The following ASAP1 variants were observed in gnomAD, a reference collection of about 807,000 sequenced individuals.
The protein encoded by ASAP1 is arf-GAP with SH3 domain, ANK repeat and PH domain-containing protein 1.
A neutral mutation model predicts 145.2 loss-of-function variants in ASAP1; 43 were observed. The ratio of observed to expected loss-of-function variants is 0.30; its 90% CI spans 0.23 to 0.38. ASAP1 has a LOEUF of 0.38. Among genes scored for constraint, ASAP1 ranks in the 10% least tolerant of loss-of-function variants. ASAP1 has a pLI of 1.00. For synonymous variants in ASAP1, 546 were observed against 515.5 expected, an observed-to-expected ratio of 1.06 and a Z score of -0.80; for missense variants, 1,018 against 1,355.3, an observed-to-expected ratio of 0.75 and a Z score of 3.91.
chr8:130,074,481 A>ACT, intron 27 of ASAP1, among the ~76,000 whole-genome samples: 1 of 150,130 alleles, frequency 6.7e-6, no homozygotes, highest in Admixed American at 6.8e-5. Context: ...ACACACACAC[A>ACT]CACACAGAGA....
intron 3 of ASAP1, among the ~76,000 whole-genome samples, chr8:130,315,991 C>T (rs768246489): frequency 1.2e-4 from 18 of 152,280 alleles, no homozygotes; most frequent in Admixed American, 4.6e-4. Flanking sequence ...CTGTGCCCTT[C>T]GGGTCCCTTC....
chr8:130,125,862 G>GTACTCAGCAGACATA, intron 17 of ASAP1, 94 bp downstream of exon 17: 1 of 1,261,592 alleles, frequency 7.9e-7, no homozygotes, highest in Non-Finnish European at 1.1e-6. Flanking sequence ...ATAATTCTTT[G>GTACTCAGCAGACATA]TACTCAGCAG....
rs1480974575 is a variant in ASAP1, at chr8:130,286,728, T to C, written c.187-49734A>G. ...CCAGGACTGGGGAAAATGATCAAGA[T>C]TCACAGCATCCGACATGTTTACTGA... On this transcript the variant is annotated intron_variant, in intron 3 of 29. Transcript: ENST00000518721. 2.0e-5 allele frequency among the ~76,000 whole-genome samples: 3 copies of C among 152,150 alleles called. No individual in the cohort carries two copies. In the East Asian group the frequency reaches 5.8e-4, roughly 29 times the overall value.
intron 2 of ASAP1, among the ~76,000 whole-genome samples, chr8:130,364,355 G>A (rs1586914471): frequency 6.6e-6 from 1 of 152,232 alleles, no homozygotes; most frequent in Non-Finnish European, 1.5e-5. Flanking sequence ...GTATTATCCT[G>A]AGTCATTGCA....
Position 130,171,526 on chromosome 8 carries a change from G to T in ASAP1, c.747-2459C>A, listed in dbSNP as rs148831024. 2.0e-5 allele frequency among the ~76,000 whole-genome samples: 3 copies of T among 152,250 alleles called. No homozygotes were observed. The East Asian group carries it at 5.8e-4, about 29-fold the overall frequency. ...TCATTATCAAGAGAACAGCATGGGG[G>T]AAACTGCCCCCATGACTCAATTAAC... On this transcript the variant is annotated intron_variant, in intron 9 of 29. Transcript: ENST00000518721.
intron 1 of ASAP1, among the ~76,000 whole-genome samples, chr8:130,411,716 G>C (rs543965933): frequency 3.3e-5 from 5 of 152,342 alleles, no homozygotes; most frequent in African/African-American, 9.6e-5. Context: ...ACAACTGCCA[G>C]TATTATGACA....
chr8:130,371,313 GTCTA>G (rs1199153055), intron 2 of ASAP1, among the ~76,000 whole-genome samples: 1 of 152,182 alleles, frequency 6.6e-6, no homozygotes, highest in Non-Finnish European at 1.5e-5. Context: ...TCAAACAGAA[GTCTA>G]TCTAATTTCA....
intron 2 of ASAP1, among the ~76,000 whole-genome samples, chr8:130,384,771 T>A (rs143152713): frequency 5.9e-4 from 90 of 152,334 alleles, no homozygotes; most frequent in African/African-American, 2.1e-3. Context: ...CAAGTTACCC[T>A]GTCACACTTC....
At chr8:130,281,536 G>C (rs1821245441) in intron 3 of ASAP1, among the ~76,000 whole-genome samples, 1 of 152,056 alleles carries the variant, frequency 6.6e-6, no homozygotes, top group African/African-American at 2.4e-5. Flanking sequence ...CTACAACTAA[G>C]TACTGGTCCA....
At chr8:130,309,199 G>A (rs1823177894) in intron 3 of ASAP1, among the ~76,000 whole-genome samples, 1 of 152,142 alleles carries the variant, frequency 6.6e-6, no homozygotes, top group Non-Finnish European at 1.5e-5. Context: ...TTGCTTTGGG[G>A]CATAGTCCCT....
chr8:130,131,294 T>G (rs1363778363), intron 15 of ASAP1, among the ~76,000 whole-genome samples: 1 of 152,214 alleles, frequency 6.6e-6, no homozygotes, highest in Non-Finnish European at 1.5e-5. Context: ...TTTCATTCAA[T>G]TTCATCGAAC....
rs140409323 is a variant in ASAP1, at chr8:130,276,888, G to C, written c.187-39894C>G. Among the ~76,000 whole-genome samples, 27 of 152,212 alleles carry C rather than the reference G, an allele frequency of 1.8e-4. No individual in the cohort carries two copies. The East Asian group carries it at 5.0e-3, about 28-fold the overall frequency. On this transcript the variant is annotated intron_variant, in intron 3 of 29. Transcript: ENST00000518721. Reference sequence around the variant, plus strand: ...GAGAGCAGTGCACTCACAGTGCCAGGAGCGGTCTTGGCAGACACAGAAAAC... The same window carrying C: ...GAGAGCAGTGCACTCACAGTGCCAGCAGCGGTCTTGGCAGACACAGAAAAC...
chr8:130,117,627 T>C (rs1031486708), intron 20 of ASAP1, among the ~76,000 whole-genome samples: 2 of 152,274 alleles, frequency 1.3e-5, no homozygotes, highest in Non-Finnish European at 2.9e-5. Flanking sequence ...TTCACTCTTA[T>C]ACTTCCATCA....
intron 3 of ASAP1, chr8:130,246,934 GAA>G (rs1288619516): frequency 6.6e-6 from 1 of 152,184 alleles, no homozygotes; most frequent in Non-Finnish European, 1.5e-5. Flanking sequence ...TAATGTTCCA[GAA>G]ATCAACTACC....
chr8:130,097,074 C>T (rs777908514), intron 24 of ASAP1, among the ~76,000 whole-genome samples: 9 of 126,850 alleles, frequency 7.1e-5, no homozygotes, highest in Non-Finnish European at 1.3e-4. Context: ...TGCAGTGAGC[C>T]GAGATCATGC....
intron 4 of ASAP1, among the ~76,000 whole-genome samples, chr8:130,231,819 G>C (rs1222170334): frequency 6.6e-6 from 1 of 152,174 alleles, no homozygotes; most frequent in Non-Finnish European, 1.5e-5. Context: ...ACAATACTGA[G>C]AAGCAAGCAG....
At chr8:130,420,274 AC>A (rs1322311709) in intron 1 of ASAP1, among the ~76,000 whole-genome samples, 3 of 142,720 alleles carry the variant, frequency 2.1e-5, no homozygotes, top group African/African-American at 7.6e-5. Context: ...ACACACACAC[AC>A]ACACAATAGC....
intron 7 of ASAP1, among the ~76,000 whole-genome samples, chr8:130,181,977 C>T (rs1814387040): frequency 6.6e-6 from 1 of 152,130 alleles, no homozygotes; most frequent in South Asian, 2.1e-4. Context: ...GTGGAAAATC[C>T]ACCGATCAAG....
At chr8:130,129,383 T>C (rs1303795216) in intron 15 of ASAP1, among the ~76,000 whole-genome samples, 6 of 152,350 alleles carry the variant, frequency 3.9e-5, no homozygotes, top group South Asian at 4.1e-4. Flanking sequence ...TGATTTTCTA[T>C]AGAAAACAAC....
Sources: allele counts gnomAD v4.1 joint callset (sites outside exome capture counted in the v4.1 genomes callset), GRCh38; gene constraint gnomAD v4.1.1; transcripts MANE v1.5; gene names NCBI Gene and HGNC (gene_info 2026-07-23, HGNC 2026-07-21).